The following TRABD variants were observed in gnomAD, a reference collection of about 807,000 sequenced individuals.
TRABD encodes the protein TraB domain containing.
TRABD carries 23 observed loss-of-function variants against 39.6 expected under a neutral mutation model. That is an observed-to-expected ratio of 0.58 (90% CI 0.42 to 0.82). The LOEUF (loss-of-function observed/expected upper bound fraction) is 0.82. TRABD is among the 40% of genes least tolerant of loss of function. The pLI is 0.00. For synonymous variants in TRABD, 243 were observed against 232.1 expected, an observed-to-expected ratio of 1.05 and a Z score of -0.43; for missense variants, 487 against 544.9, an observed-to-expected ratio of 0.89 and a Z score of 1.06.
At chr22:50,197,057 C>T in intron 5 of TRABD, 184 bp from the exon 6 acceptor site, 1 of 602,110 alleles carries the variant, frequency 1.7e-6, no homozygotes, top group Admixed American at 3.0e-5. Flanking sequence ...ACAGAACTCC[C>T]TGCTCTGGTC....
rs1455609284 is a variant in TRABD at position 50,193,105 on chromosome 22, G to T, written c.33+12G>T. 37 of 1,541,368 alleles carry T rather than the reference G, an allele frequency of 2.4e-5. 1 individual carries two copies. In the East Asian group the frequency reaches 9.0e-4, roughly 38 times the overall value. On this transcript the variant is annotated intron_variant, in intron 2 of 9. Transcript: ENST00000380909. ...AGCCACCGCACGAGGTGAGGTGGAGGCTGGGCTGGCTGCACAGAGACAGGG... is the reference window on the plus strand; with the variant it reads ...AGCCACCGCACGAGGTGAGGTGGAGTCTGGGCTGGCTGCACAGAGACAGGG...
rs559650818 is a variant in TRABD, at chr22:50,199,397, G to A, written c.*878G>A. ...CGCTCAGGCCCCCTGCCCGGCGGCC[G>A]TCTGTGTGCGGGGCCTCCCTCCTGG... On this transcript the variant is annotated 3_prime_UTR_variant, in exon 10 of 10. Transcript: ENST00000380909. 11 of 369,120 alleles carry A rather than the reference G, an allele frequency of 3.0e-5. No individual in the cohort carries two copies. Among genetic ancestry groups the A allele is most frequent in the Admixed American group, 1.8e-4 (4 of 21,630 alleles). 22.9% of individuals were successfully genotyped at this position (369,120 alleles called of 1,614,324 possible).
chr22:50,198,996 C>A lies in TRABD; in HGVS notation c.*477C>A, dbSNP rs532694316. 14 of 651,932 alleles carry A rather than the reference C, an allele frequency of 2.1e-5. No homozygotes were observed. The highest frequency in any genetic ancestry group is 7.2e-4 in the Middle Eastern group (2 of 2,766). The allele number at this position is 651,932 out of a possible 1,614,324, so 40.4% of individuals were successfully genotyped here. On this transcript the variant is annotated 3_prime_UTR_variant, in exon 10 of 10. Transcript: ENST00000380909. This position sits in a 1 kb window ranked among gnomAD's most constrained non-coding sequence, Gnocchi z 7.9. ...GCCCTGGAGCTCCAGCCGACCCCACCGTGCCCCTGGCATCCTGGCCCTGGC... is the reference window on the plus strand; with the variant it reads ...GCCCTGGAGCTCCAGCCGACCCCACAGTGCCCCTGGCATCCTGGCCCTGGC...
intron 1 of TRABD, among the ~76,000 whole-genome samples, chr22:50,188,320 C>T (rs932594099): frequency 3.9e-5 from 6 of 152,192 alleles, no homozygotes; most frequent in Non-Finnish European, 8.8e-5. Context: ...GTTGCCCAGA[C>T]TGGTCTTAAA....
At chr22:50,190,790 G>C (rs1040169243) in intron 1 of TRABD, 2 of 152,618 alleles carry the variant, frequency 1.3e-5, no homozygotes, top group African/African-American at 4.8e-5. Flanking sequence ...GCTCACAACA[G>C]CTTCCGGTGG....
At chr22:50,194,655 G>T in intron 4 of TRABD, 149 bp downstream of exon 4, 11 of 1,355,616 alleles carry the variant, frequency 8.1e-6, no homozygotes, top group Non-Finnish European at 1.1e-5. Context: ...GAGTGGCAAG[G>T]TGGGCTTCCT....
At position 50,198,554 on chromosome 22, in the gene TRABD, G is replaced by T; in HGVS notation, c.*35G>T. On this transcript the variant is annotated 3_prime_UTR_variant, in exon 10 of 10. Coordinates refer to ENST00000380909, the MANE Select transcript of TRABD (RefSeq NM_001320485.2). The surrounding 1 kb of genome is among the most constrained non-coding windows in gnomAD (Gnocchi z 7.9). ...CCCCGCCCGCTCGGGCCCCTGAGGA[G>T]CCAGTGCCCCCGCGGCACTTCTGGG... The T allele has an allele frequency of 1.4e-6, 2 of 1,479,178 alleles. No homozygotes were observed. Among genetic ancestry groups the T allele is most frequent in the South Asian group, 2.7e-5 (2 of 74,668 alleles). The allele number at this position is 1,479,178 out of a possible 1,614,324, so 91.6% of individuals were successfully genotyped here.
rs2147110990 is a variant in TRABD at position 50,193,559 on chromosome 22, C to T, written c.34-17C>T. ...GGGTGCATGGACCCTGACTTGAACT[C>T]TCCTTTCCACCTGCAGGCCAACGTG... On this transcript the variant is annotated splice_polypyrimidine_tract_variant and intron_variant, in intron 2 of 9. Coordinates refer to ENST00000380909, the MANE Select transcript of TRABD (RefSeq NM_001320485.2). The T allele has an allele frequency of 4.3e-6, 7 of 1,613,438 alleles. No individual in the cohort carries two copies. Among genetic ancestry groups the T allele is most frequent in the Non-Finnish European group, 5.9e-6 (7 of 1,179,684 alleles).
chr22:50,197,994 C>T lies in TRABD; in HGVS notation c.843C>T (p.Asp281=), dbSNP rs764427495. The change falls in exon 8 of 10, where the codon GAC becomes GAT. Residue 281 remains aspartate (D), a splice_region_variant and synonymous_variant. Transcript: ENST00000380909. ...ARRLELPRAS[D]AEPRKCVPSV... ...GCCTCGAGCTGCCTCGGGCCTCTGA[C>T]GGTGACGGCCGCCCGCAGGCGTGGG... The T allele has an allele frequency of 1.2e-5, 19 of 1,610,850 alleles. No homozygotes were observed. The highest frequency in any genetic ancestry group is 3.3e-5 in the Admixed American group (2 of 59,868).
chr22:50,193,225 G>A (rs2063972678), intron 2 of TRABD, 132 bp downstream of exon 2: 11 of 1,187,944 alleles, frequency 9.3e-6, no homozygotes, highest in Middle Eastern at 2.9e-4. Flanking sequence ...GGTCAGGCAG[G>A]AGGCACCTCC....
chr22:50,195,819 T>A (rs752637966), intron 5 of TRABD, among the ~76,000 whole-genome samples: 2 of 152,168 alleles, frequency 1.3e-5, no homozygotes, highest in Non-Finnish European at 2.9e-5. Context: ...CTGGTCAGTT[T>A]GCCTTCCCCC....
intron 5 of TRABD, among the ~76,000 whole-genome samples, chr22:50,196,702 C>A (rs1180864034): frequency 6.6e-6 from 1 of 150,692 alleles, no homozygotes; most frequent in Admixed American, 6.6e-5. Flanking sequence ...AAGGCCTTTT[C>A]TTCTTCTTTT....
Position 50,199,283 on chromosome 22 carries a change from G to A in TRABD, c.*764G>A. 1 of 595,886 alleles carries A rather than the reference G, an allele frequency of 1.7e-6. No individual in the cohort carries two copies. Among genetic ancestry groups the A allele is most frequent in the Non-Finnish European group, 3.0e-6 (1 of 328,992 alleles). 36.9% of individuals were successfully genotyped at this position (595,886 alleles called of 1,614,324 possible). The stretch of plus-strand genomic sequence containing the variant: ...GTGTCCTGAGCCCCCGGAGCGAAGG[G>A]GTGCCTGGGGCATCTTGGCCCTCTC... On this transcript the variant is annotated 3_prime_UTR_variant, in exon 10 of 10. Coordinates refer to ENST00000380909, the MANE Select transcript of TRABD (RefSeq NM_001320485.2).
chr22:50,197,128 C>T (rs2064139923), intron 5 of TRABD, 113 bp from the exon 6 acceptor site: 1 of 1,115,240 alleles, frequency 9.0e-7, no homozygotes, highest in Non-Finnish European at 1.3e-6. Context: ...GGACACAGCA[C>T]TGGGCTGGGG....
chr22:50,190,087 A>T (rs1309544473), intron 1 of TRABD, among the ~76,000 whole-genome samples: 1 of 152,126 alleles, frequency 6.6e-6, no homozygotes, highest in African/African-American at 2.4e-5. Flanking sequence ...CTTGGCGAGG[A>T]GGGAAAGAGA....
chr22:50,186,560 C>A (rs965724070), intron 1 of TRABD, among the ~76,000 whole-genome samples: 2 of 152,256 alleles, frequency 1.3e-5, no homozygotes, highest in East Asian at 1.9e-4. Flanking sequence ...CCCAGCCACC[C>A]CCGCCTGCCG....
rs988029096 is a variant in TRABD, at chr22:50,195,070, A to AGGGTCG, written c.420+36_420+41dup. ...GCAGCCGCGGGCAAGGGTCAGGGTC[A>AGGGTCG]GGGTCGGGGTCAAAGCCACCTGTTT... On this transcript the variant is annotated intron_variant, in intron 5 of 9. Coordinates refer to ENST00000380909, the MANE Select transcript of TRABD (RefSeq NM_001320485.2). 3 of 1,538,018 alleles carry AGGGTCG rather than the reference A, an allele frequency of 2.0e-6. No homozygotes were observed. In the African/African-American group the frequency reaches 4.1e-5, roughly 21 times the overall value.
At chr22:50,193,766 G>C in intron 3 of TRABD, 112 bp downstream of exon 3, 1 of 1,078,162 alleles carries the variant, frequency 9.3e-7, no homozygotes, top group East Asian at 2.5e-5. Context: ...GTGAGCAGGG[G>C]CCCTGGCCGA....
Position 50,198,346 on chromosome 22 carries a change from G to A in TRABD, c.958G>A (p.Val320Met), listed in dbSNP as rs750381431. ...CCCAGCGCCCCCTCCCTCCCACAGC[G>A]TGCCCCCGCCGTCCGTCTCCGGCAG... ...TDLNIQEIMT[V>M]PPPSVSGRVS... Residue 320 changes from valine (V) to methionine (M), a missense_variant and splice_region_variant, in exon 10 of 10, where the codon GTG (valine) becomes ATG (methionine). Physicochemically the swap from Val to Met is conservative, Grantham distance 21 (BLOSUM62 1). This residue lies in a region of TRABD where 123 missense variants were observed against 108.3 expected (regional missense o/e 1.14). Coordinates refer to ENST00000380909, the MANE Select transcript of TRABD (RefSeq NM_001320485.2). This position sits in a 1 kb window ranked among gnomAD's most constrained non-coding sequence, Gnocchi z 7.9. The A allele has an allele frequency of 2.6e-5, 40 of 1,565,744 alleles. No homozygotes were observed. The highest frequency in any genetic ancestry group is 5.8e-5 in the South Asian group (5 of 85,522).
Sources: allele counts gnomAD v4.1 joint callset (sites outside exome capture counted in the v4.1 genomes callset), GRCh38; gene constraint gnomAD v4.1.1; regional missense constraint gnomAD v4.1.1; non-coding constraint Gnocchi (gnomAD v3.1); transcripts MANE v1.5; gene names NCBI Gene and HGNC (gene_info 2026-07-23, HGNC 2026-07-21).